Variants in ELP1 observed in about 807,000 individuals in gnomAD.
ELP1 encodes elongator acetyltransferase complex subunit 1.
ELP1 carries 131 observed loss-of-function variants against 183.2 expected under a neutral mutation model. The ratio of observed to expected loss-of-function variants is 0.72; its 90% confidence interval spans 0.62 to 0.83. The LOEUF is 0.83. ELP1 is among the 40% of genes least tolerant of loss of function. ELP1 has a pLI of 0.00. For synonymous variants in ELP1, 555 were observed against 569.0 expected (o/e 0.98, Z 0.35); for missense variants, 1,550 against 1,594.9 (o/e 0.97, Z 0.48).
intron 34 of ELP1, 27 bp from the exon 35 acceptor site, chr9:108,878,176 G>A (rs1827774511): frequency 6.3e-7 from 1 of 1,587,730 alleles, no homozygotes; most frequent in Non-Finnish European, 8.6e-7. Flanking sequence ...TGAAAGAGTG[G>A]TAAGTTATAT....
intron 6 of ELP1, among the ~76,000 whole-genome samples, chr9:108,922,162 G>C (rs938442967): frequency 6.6e-6 from 1 of 152,108 alleles, no homozygotes; most frequent in Non-Finnish European, 1.5e-5. Flanking sequence ...TTTTACTCAA[G>C]GGTAATACTT....
chr9:108,875,436 G>A (rs542834294), intron 35 of ELP1, among the ~76,000 whole-genome samples: 7 of 152,162 alleles, frequency 4.6e-5, no homozygotes, highest in Non-Finnish European at 7.3e-5. Context: ...ACAAGACTCC[G>A]CAGGAATTTC....
chr9:108,916,409 T>A (rs1431943641), intron 9 of ELP1, 112 bp from the exon 10 acceptor site: 2 of 816,542 alleles, frequency 2.4e-6, no homozygotes, highest in East Asian at 5.0e-5. Flanking sequence ...CCTGAGCTCA[T>A]CCCTAGCTGT....
chr9:108,891,681 G>A (rs985413110), intron 27 of ELP1, among the ~76,000 whole-genome samples: 1 of 152,134 alleles, frequency 6.6e-6, no homozygotes, highest in African/African-American at 2.4e-5. Context: ...CCAAACAAAT[G>A]AAAAACCATA....
At chr9:108,914,216 G>A (rs1032712981) in intron 10 of ELP1, among the ~76,000 whole-genome samples, 8 of 151,848 alleles carry the variant, frequency 5.3e-5, no homozygotes, top group African/African-American at 1.2e-4. Flanking sequence ...TGGCTAACGC[G>A]GTGAAACCCT....
In ELP1 at chr9:108,922,911, A is replaced by AG. The variant is rs1829699968; in HGVS notation, c.482_483insC (p.Gly162TrpfsTer4). 1 of 1,613,570 alleles carries AG rather than the reference A, an allele frequency of 6.2e-7. No homozygotes were observed. Among genetic ancestry groups the AG allele is most frequent in the Non-Finnish European group, 8.5e-7 (1 of 1,179,584 alleles). On this transcript the variant is annotated frameshift_variant, in exon 6 of 37. Coordinates refer to ENST00000374647, the MANE Select transcript of ELP1 (RefSeq NM_003640.5). LOFTEE classifies it high-confidence loss of function. ...ACTGTGTCTCCTTCCTACCCCATCC[A>AG]ACAGTGATAAACTTGCCTACAGAAC...
At chr9:108,917,383 C>A (rs546157132) in intron 9 of ELP1, among the ~76,000 whole-genome samples, 164 bp downstream of exon 9, 5 of 151,584 alleles carry the variant, frequency 3.3e-5, no homozygotes, top group African/African-American at 1.2e-4. Context: ...AGGAGAATCA[C>A]TTGAACCTAG....
rs1157574044 is a variant in ELP1 at position 108,880,235 on chromosome 9, G to T, written c.3347-70C>A. ...AAAGAGAAAAAACTAAAGGCGGGGA[G>T]CAGTGAAGGAGGGTTAAAATTCAGC... is the stretch of plus-strand genomic sequence containing the variant. On this transcript the variant is annotated intron_variant, in intron 31 of 36. Transcript: ENST00000374647. 5.0e-6 allele frequency: 5 copies of T among 1,004,658 alleles called. No individual in the cohort carries two copies. In the African/African-American group the frequency reaches 6.3e-5, roughly 13 times the overall value. The allele number at this position is 1,004,658 out of a possible 1,614,324, so 62.2% of individuals were successfully genotyped here.
In ELP1 at chr9:108,903,075, TTATA is replaced by T. The variant is rs899025404; in HGVS notation, c.1751-137_1751-134del. On this transcript the variant is annotated intron_variant, in intron 15 of 36. Coordinates refer to ENST00000374647, the MANE Select transcript of ELP1 (RefSeq NM_003640.5). The stretch of plus-strand genomic sequence containing the variant: ...TTTCTCTAATGCTGGCATTATTTAT[TTATA>T]TATATATTTTTATTATACTTTAAGT... The T allele has an allele frequency of 9.1e-6, 5 of 552,266 alleles. No individual in the cohort carries two copies. The African/African-American group carries it at 9.9e-5, about 11-fold the overall frequency. 34.2% of individuals were successfully genotyped at this position (552,266 alleles called of 1,614,324 possible).
At chr9:108,909,697 T>C (rs778104818) in intron 12 of ELP1, among the ~76,000 whole-genome samples, 1 of 152,218 alleles carries the variant, frequency 6.6e-6, no homozygotes, top group Non-Finnish European at 1.5e-5. Context: ...GCCTGGACAC[T>C]TGACAACAGC....
chr9:108,909,942 TAC>T (rs954832257), intron 12 of ELP1, among the ~76,000 whole-genome samples: 13 of 152,098 alleles, frequency 8.5e-5, no homozygotes, highest in Admixed American at 7.2e-4. Flanking sequence ...TACATATATA[TAC>T]ATATACATAT....
Position 108,916,276 on chromosome 9 carries a change from C to T in ELP1, c.886G>A (p.Ala296Thr). The T allele has an allele frequency of 3.1e-6, 5 of 1,613,960 alleles. No individual in the cohort carries two copies. The highest frequency in any genetic ancestry group is 4.2e-6 in the Non-Finnish European group (5 of 1,179,812). Residue 296 changes from alanine to threonine, a missense_variant, in exon 10 of 37, where the codon GCA becomes ACA. By Grantham distance (58) the Ala-to-Thr change is moderately conservative (BLOSUM62 0). Transcript: ENST00000374647. ...CAGACTGCAAGCACAGAGGAATCTG[C>T]ATTCCAGAGCAAGTCATTTACCTAG... is the stretch of plus-strand genomic sequence containing the variant. ...EVKVNDLLWN[A>T]DSSVLAVWLE...
chr9:108,878,496 C>T, intron 34 of ELP1, 127 bp downstream of exon 34: 1 of 1,277,674 alleles, frequency 7.8e-7, no homozygotes, highest in East Asian at 2.3e-5. Context: ...ACCCTTCCTG[C>T]TAAAAGTTCT....
intron 14 of ELP1, among the ~76,000 whole-genome samples, chr9:108,905,853 T>C (rs1277141294): frequency 7.4e-6 from 1 of 134,436 alleles, no homozygotes; most frequent in Admixed American, 8.1e-5. Flanking sequence ...TATCTAAACA[T>C]AGAAAAGGTA....
chr9:108,914,134 G>A (rs1323467551), intron 10 of ELP1, among the ~76,000 whole-genome samples: 1 of 152,020 alleles, frequency 6.6e-6, no homozygotes. Context: ...GGGCACGGTG[G>A]CTCACGCCTG....
intron 18 of ELP1, among the ~76,000 whole-genome samples, chr9:108,900,625 C>G (rs1270190381): frequency 6.6e-6 from 1 of 152,166 alleles, no homozygotes; most frequent in Non-Finnish European, 1.5e-5. Flanking sequence ...TGGAGAAACA[C>G]AGTTAAGAAT....
At chr9:108,872,586 C>CCT (rs1827500578) in intron 36 of ELP1, among the ~76,000 whole-genome samples, 1 of 151,690 alleles carries the variant, frequency 6.6e-6, no homozygotes, top group African/African-American at 2.4e-5. Flanking sequence ...GGGTGGATCA[C>CCT]GAGGTCAGGA....
At position 108,906,207 on chromosome 9, in the gene ELP1, C is replaced by A; in HGVS notation, c.1643+96G>T. 6.6e-6 allele frequency: 8 copies of A among 1,209,974 alleles called. No homozygotes were observed. The South Asian group carries it at 1.0e-4, about 15-fold the overall frequency. 75.0% of individuals were successfully genotyped at this position (1,209,974 alleles called of 1,614,324 possible). A position where few individuals can be genotyped will look rare whatever the true frequency, so the allele number is the denominator to read the frequency against. On this transcript the variant is annotated intron_variant, in intron 14 of 36. Coordinates refer to ENST00000374647, the MANE Select transcript of ELP1 (RefSeq NM_003640.5). ...TAACAAGAAAGCTACTGCTCCTCAA[C>A]CTTGATCAATAGAAGTCAAAAGTTG... is the stretch of plus-strand genomic sequence containing the variant.
At chr9:108,897,080 T>G in intron 23 of ELP1, 42 bp from the exon 24 acceptor site, 1 of 1,613,168 alleles carries the variant, frequency 6.2e-7, no homozygotes, top group African/African-American at 1.3e-5. Flanking sequence ...GAAAGGTAAG[T>G]AGGCTGGACA....
Sources: gnomAD v4.1 joint callset for allele counts (sites outside exome capture counted in the v4.1 genomes callset) on GRCh38, gnomAD v4.1.1 for gene constraint, MANE v1.5 for transcripts, NCBI Gene and HGNC (gene_info 2026-07-23, HGNC 2026-07-21) for gene names.